Variants in SHQ1 observed in about 807,000 individuals in gnomAD.
SHQ1 encodes the protein SHQ1, H/ACA ribonucleoprotein assembly factor.
Under a neutral mutation model 53.8 loss-of-function variants are expected in SHQ1, and 49 were observed. The ratio of observed to expected loss-of-function variants is 0.91; its 90% CI spans 0.72 to 1.16. The LOEUF (loss-of-function observed/expected upper bound fraction) is 1.16, where lower values mean the gene tolerates loss of function less well. Ranked by LOEUF, SHQ1 falls within the 50% of genes most tolerant of loss-of-function variation. The pLI is 0.00. For synonymous variants in SHQ1, 243 were observed against 251.0 expected (o/e 0.97, Z 0.30); for missense variants, 738 against 683.1 (o/e 1.08, Z -0.90).
At chr3:72,822,168 C>CCTA (rs1707496899) in intron 6 of SHQ1, among the ~76,000 whole-genome samples, 1 of 152,194 alleles carries the variant, frequency 6.6e-6, no homozygotes. Flanking sequence ...CAACCCCAAG[C>CCTA]CTACATTTAG....
chr3:72,725,699 G>A, the SHQ1 span, among the ~76,000 whole-genome samples: 1 of 152,154 alleles, frequency 6.6e-6, no homozygotes, highest in Non-Finnish European at 1.5e-5. Flanking sequence ...TGGGACACCG[G>A]AGGTACTCAG....
At chr3:72,756,319 A>G (rs1046468908) in intron 10 of SHQ1, among the ~76,000 whole-genome samples, 4 of 151,950 alleles carry the variant, frequency 2.6e-5, no homozygotes, top group African/African-American at 9.7e-5. Context: ...TCCAGTCTGG[A>G]GTGTGGAGTG....
chr3:72,727,176 A>T, the SHQ1 span, among the ~76,000 whole-genome samples: 2 of 152,110 alleles, frequency 1.3e-5, no homozygotes, highest in African/African-American at 4.8e-5. Flanking sequence ...GGGCTTGGGG[A>T]TTCAGCAATA....
chr3:72,828,266 T>C (rs1024541094), intron 5 of SHQ1, among the ~76,000 whole-genome samples: 7 of 152,198 alleles, frequency 4.6e-5, no homozygotes, highest in Non-Finnish European at 1.0e-4. Flanking sequence ...GTGGGCTTCC[T>C]AAGCCAGTCT....
intron 10 of SHQ1, among the ~76,000 whole-genome samples, chr3:72,782,804 CAG>C (rs1433638525): frequency 6.6e-6 from 1 of 152,204 alleles, no homozygotes; most frequent in Non-Finnish European, 1.5e-5. Flanking sequence ...TCTCCTTAAA[CAG>C]AGCACTTTCT....
intron 9 of SHQ1, among the ~76,000 whole-genome samples, chr3:72,806,549 TAGAGAC>T (rs1447010558): frequency 6.6e-6 from 1 of 152,138 alleles, no homozygotes; most frequent in Non-Finnish European, 1.5e-5. Flanking sequence ...ATTTAAAAAG[TAGAGAC>T]ATAAATTCCA....
intron 10 of SHQ1, among the ~76,000 whole-genome samples, chr3:72,782,962 A>C (rs1706112621): frequency 6.6e-6 from 1 of 152,234 alleles, no homozygotes; most frequent in South Asian, 2.1e-4. Context: ...TCACCACCCT[A>C]ACTCACTTGA....
chr3:72,785,086 A>G lies in SHQ1; in HGVS notation c.1181+7830T>C, dbSNP rs192339729. Among the ~76,000 whole-genome samples, 7 of 152,344 alleles carry G rather than the reference A, an allele frequency of 4.6e-5. No individual in the cohort carries two copies. The East Asian group carries it at 1.4e-3, about 29-fold the overall frequency. The stretch of plus-strand genomic sequence containing the variant: ...AACAAGGGAATCTATCCCCACTGAA[A>G]GTAAAGACATGTAAACTCAGATCTG... On this transcript the variant is annotated intron_variant, in intron 10 of 10. Coordinates refer to ENST00000325599, the MANE Select transcript of SHQ1 (RefSeq NM_018130.3).
intron 10 of SHQ1, chr3:72,773,310 C>A: frequency 3.3e-6 from 2 of 614,366 alleles, no homozygotes; most frequent in Admixed American, 4.2e-5. Context: ...TGGAATCTAG[C>A]TCCAAAGACA....
chr3:72,810,481 T>G (rs1226101327), intron 9 of SHQ1, among the ~76,000 whole-genome samples: 1 of 152,200 alleles, frequency 6.6e-6, no homozygotes, highest in Non-Finnish European at 1.5e-5. Context: ...ATTCCTACAT[T>G]GGTTTTGAAA....
Position 72,832,380 on chromosome 3 carries a change from AG to A in SHQ1, c.587del (p.Pro196LeufsTer5), listed in dbSNP as rs1707849462. The A allele has an allele frequency of 6.2e-7, 1 of 1,609,118 alleles. No individual in the cohort carries two copies. Among genetic ancestry groups the A allele is most frequent in the Non-Finnish European group, 8.5e-7 (1 of 1,177,456 alleles). ...RLAAELAKFD[P>X]DHYLADFFED... ...ATCTCATTACTCACAGATAATGATC[AG>A]GATCAAACTTGGCCAGCTCAGCGGC... On this transcript the variant is annotated frameshift_variant, in exon 5 of 11. Transcript: ENST00000325599. LOFTEE classifies it high-confidence loss of function.
chr3:72,799,665 C>T (rs575680662), intron 9 of SHQ1, among the ~76,000 whole-genome samples: 117 of 152,172 alleles, frequency 7.7e-4, no homozygotes, highest in African/African-American at 2.7e-3. Flanking sequence ...AGAAACACAC[C>T]CTTGAAGCAA....
At chr3:72,819,226 T>G (rs559977033) in intron 6 of SHQ1, among the ~76,000 whole-genome samples, 38 of 152,328 alleles carry the variant, frequency 2.5e-4, no homozygotes, top group African/African-American at 8.9e-4. Context: ...GTTCCTTGGT[T>G]TGTAGGCAAT....
Position 72,846,623 on chromosome 3 carries a change from C to T in SHQ1, c.143+1575G>A, listed in dbSNP as rs73841419. On this transcript the variant is annotated intron_variant, in intron 1 of 10. Transcript: ENST00000325599. The stretch of plus-strand genomic sequence containing the variant: ...GCAAACTGTATTATCAAAGAATGCC[C>T]ATCTCACAGCACTCTTCCCAACCAT... 5.5e-3 allele frequency among the ~76,000 whole-genome samples: 839 copies of T among 152,204 alleles called. 4 individuals carry two copies. Among genetic ancestry groups the T allele is most frequent in the African/African-American group, 0.019 (779 of 41,504 alleles).
intron 2 of SHQ1, among the ~76,000 whole-genome samples, chr3:72,842,722 A>G (rs1466863170): frequency 6.6e-6 from 1 of 152,240 alleles, no homozygotes; most frequent in Non-Finnish European, 1.5e-5. Context: ...TGGTGAATAC[A>G]AGTCAAGATA....
chr3:72,730,008 C>T, the SHQ1 span, among the ~76,000 whole-genome samples: 96,985 of 151,516 alleles, frequency 0.64, 33,751 homozygotes, highest in East Asian at 0.95. Flanking sequence ...TTAGTAGAGA[C>T]GGGGTTTCAC....
chr3:72,829,258 G>A (rs1333365749), intron 5 of SHQ1, among the ~76,000 whole-genome samples: 3 of 152,202 alleles, frequency 2.0e-5, no homozygotes, highest in Non-Finnish European at 2.9e-5. Context: ...AGTCAAGTCA[G>A]TGGGATGCCT....
chr3:72,731,536 A>C, the SHQ1 span, among the ~76,000 whole-genome samples: 105 of 150,072 alleles, frequency 7.0e-4, no homozygotes, highest in Non-Finnish European at 1.2e-3. Context: ...AATTACAAGA[A>C]AACTAGGCAG....
intron 10 of SHQ1, among the ~76,000 whole-genome samples, chr3:72,765,530 C>CACAT (rs1293119469): frequency 2.4e-5 from 2 of 83,538 alleles, no homozygotes; most frequent in African/African-American, 1.2e-4. Context: ...ATTCACATGA[C>CACAT]ATATATATAT....
Sources: gnomAD v4.1 joint callset for allele counts (sites outside exome capture counted in the v4.1 genomes callset) on GRCh38, gnomAD v4.1.1 for gene constraint, MANE v1.5 for transcripts, NCBI Gene and HGNC (gene_info 2026-07-23, HGNC 2026-07-21) for gene names.